FRMD4B: variants seen among roughly 807,000 people sequenced by gnomAD.
FRMD4B encodes the protein FERM domain-containing protein 4B.
FRMD4B carries 74 observed loss-of-function variants against 141.5 expected under a neutral mutation model. The ratio of observed to expected loss-of-function variants is 0.52; its 90% CI spans 0.43 to 0.63. FRMD4B has a LOEUF of 0.63. Among genes scored for constraint, FRMD4B ranks in the 30% least tolerant of loss-of-function variants. The pLI is 0.00. For synonymous variants in FRMD4B, 506 were observed against 467.9 expected (o/e 1.08, Z -1.05); for missense variants, 1,366 against 1,253.4 (o/e 1.09, Z -1.36).
At chr3:69,195,393 T>C (rs776116766) in intron 14 of FRMD4B, 29 bp from the exon 15 acceptor site, 7 of 1,576,408 alleles carry the variant, frequency 4.4e-6, no homozygotes, top group Non-Finnish European at 6.0e-6. Flanking sequence ...GCAGGGAAGG[T>C]TTATACAAGG....
chr3:69,538,251 T>C (rs1272604750), intron 1 of FRMD4B, among the ~76,000 whole-genome samples: 1 of 152,216 alleles, frequency 6.6e-6, no homozygotes, highest in Non-Finnish European at 1.5e-5. Context: ...CAAGACGCTC[T>C]TGAAGTCAGT....
chr3:69,170,099 C>T lies in FRMD4B; in HGVS notation c.*1762G>A, dbSNP rs1382593088. The T allele has an allele frequency of 1.3e-5, 2 of 152,078 alleles. No individual in the cohort carries two copies. Among genetic ancestry groups the T allele is most frequent in the Admixed American group, 6.5e-5 (1 of 15,272 alleles). The allele number at this position is 152,078 out of a possible 1,614,324, so 9.4% of individuals were successfully genotyped here. On this transcript the variant is annotated 3_prime_UTR_variant, in exon 23 of 23. Coordinates refer to ENST00000398540, the MANE Select transcript of FRMD4B (RefSeq NM_015123.3). ...AATATGCCATCAATAAAAAGATGAA[C>T]CATGTTTTTAATGTAAATATTTAAA...
At chr3:69,459,997 G>T (rs1412411726) in intron 1 of FRMD4B, among the ~76,000 whole-genome samples, 1 of 152,222 alleles carries the variant, frequency 6.6e-6, no homozygotes, top group African/African-American at 2.4e-5. Flanking sequence ...CTGGCATTGT[G>T]CTTGGTTTAT....
intron 1 of FRMD4B, among the ~76,000 whole-genome samples, chr3:69,499,077 T>A (rs1040437770): frequency 2.6e-5 from 4 of 152,068 alleles, no homozygotes; most frequent in African/African-American, 7.2e-5. Context: ...TGAGACAGAA[T>A]TGATAGGAAG....
chr3:69,445,588 CT>C, intron 1 of FRMD4B, among the ~76,000 whole-genome samples: 1 of 152,298 alleles, frequency 6.6e-6, no homozygotes, highest in Non-Finnish European at 1.5e-5. Context: ...CCTCTGAAAT[CT>C]CATTTCATGC....
In FRMD4B at chr3:69,181,415, T is replaced by G. The variant is rs182546659; in HGVS notation, c.2335A>C (p.Met779Leu). Residue 779 changes from methionine to leucine, a missense_variant, in exon 21 of 23, where the codon ATG becomes CTG. Met to Leu is a conservative substitution (Grantham distance 15). Transcript: ENST00000398540. ...CTATCCTTTTGTGCTAGGTTGGGCA[T>G]GCTTCCTGAATTTGAAGTAGAAACA... ...QNVSTSNSGSMPNLAQKDSLR... is the reference protein window; with the variant it reads ...QNVSTSNSGSLPNLAQKDSLR... The G allele has an allele frequency of 9.0e-5, 146 of 1,613,986 alleles. 1 individual carries two copies. In the East Asian group the frequency reaches 3.2e-3, roughly 35 times the overall value.
chr3:69,443,106 G>C (rs1705364581), intron 1 of FRMD4B, among the ~76,000 whole-genome samples: 1 of 152,168 alleles, frequency 6.6e-6, no homozygotes, highest in Non-Finnish European at 1.5e-5. Flanking sequence ...GTTGCCAGAG[G>C]AACCAACCAT....
intron 9 of FRMD4B, 68 bp from the exon 10 acceptor site, chr3:69,218,447 T>G: frequency 2.9e-6 from 2 of 680,012 alleles, no homozygotes; most frequent in Non-Finnish European, 5.1e-6. Context: ...GAAAAGTGAT[T>G]TAAAGAAACA....
At chr3:69,301,275 A>G (rs1701210112) in intron 4 of FRMD4B, among the ~76,000 whole-genome samples, 1 of 152,144 alleles carries the variant, frequency 6.6e-6, no homozygotes, top group Non-Finnish European at 1.5e-5. Context: ...TCAATCAGTA[A>G]TGATTTCACC....
intron 2 of FRMD4B, among the ~76,000 whole-genome samples, chr3:69,430,114 G>A (rs1177497054): frequency 2.0e-5 from 3 of 152,124 alleles, no homozygotes; most frequent in East Asian, 1.9e-4. Context: ...TAGTACAAAC[G>A]GGACTAGAAA....
chr3:69,215,284 C>CTTTTTGTTTTTTTTTTTTT (rs2093128966), intron 11 of FRMD4B, among the ~76,000 whole-genome samples: 1 of 45,208 alleles, frequency 2.2e-5, no homozygotes, highest in African/African-American at 7.2e-5. Flanking sequence ...TTGTGACCCT[C>CTTTTTGTTTTTTTTTTTTT]TTTTTTTTTT....
In FRMD4B at chr3:69,492,328, A is replaced by G. The variant is rs542556391; in HGVS notation, c.-129+49878T>C. ...CCTCTTTAAAGGGTTATGAACATCT[A>G]ATAATTCCTGGCAGCCAGTAGCTTG... On this transcript the variant is annotated intron_variant, in intron 1 of 5. Transcript: ENST00000459638. 2.7e-4 allele frequency among the ~76,000 whole-genome samples: 41 copies of G among 152,276 alleles called. 1 individual carries two copies. In the East Asian group the frequency reaches 7.5e-3, roughly 28 times the overall value.
chr3:69,392,820 A>C (rs1249780368), intron 2 of FRMD4B, among the ~76,000 whole-genome samples: 1 of 151,994 alleles, frequency 6.6e-6, no homozygotes, highest in Non-Finnish European at 1.5e-5. Flanking sequence ...CCATTCCAAA[A>C]AGGAGGCAGG....
chr3:69,358,270 A>C (rs1703381589), intron 1 of FRMD4B, among the ~76,000 whole-genome samples: 1 of 152,204 alleles, frequency 6.6e-6, no homozygotes, highest in Non-Finnish European at 1.5e-5. Context: ...ATGTAGGCCC[A>C]CAGGATTCAG....
intron 1 of FRMD4B, among the ~76,000 whole-genome samples, chr3:69,503,954 G>A (rs1175229111): frequency 6.6e-6 from 1 of 152,076 alleles, no homozygotes; most frequent in Non-Finnish European, 1.5e-5. Flanking sequence ...CAGCACATCA[G>A]TACTCAATAC....
At chr3:69,223,384 G>T (rs1467289736) in intron 8 of FRMD4B, among the ~76,000 whole-genome samples, 2 of 152,052 alleles carry the variant, frequency 1.3e-5, no homozygotes, top group Non-Finnish European at 2.9e-5. Context: ...GCATCGTACC[G>T]TGTGCCTGTA....
Position 69,311,338 on chromosome 3 carries a change from T to C in FRMD4B, c.248A>G (p.Glu83Gly). 1.1e-5 allele frequency: 17 copies of C among 1,599,350 alleles called. No homozygotes were observed. The highest frequency in any genetic ancestry group is 1.7e-4 in the Middle Eastern group (1 of 6,030). The stretch of plus-strand genomic sequence containing the variant: ...ATGTGAAGCCACTAGGTCCAGCAAC[T>C]CTCTTGCTAGAAGTTTGGGCTGTCA... ...LLVQPKLLAR[E>G]LLDLVASHFN... The change falls in exon 3 of 23, where the codon GAG (glutamate) becomes GGG (glycine). Residue 83 changes from glutamate to glycine, a missense_variant. By Grantham distance (98) the Glu-to-Gly change is moderately conservative. Coordinates refer to ENST00000398540, the MANE Select transcript of FRMD4B (RefSeq NM_015123.3).
intron 2 of FRMD4B, among the ~76,000 whole-genome samples, chr3:69,413,222 G>A (rs1029837677): frequency 2.6e-5 from 4 of 152,046 alleles, no homozygotes; most frequent in African/African-American, 9.7e-5. Flanking sequence ...AGTATTTATT[G>A]AGCATGAATG....
At chr3:69,475,977 T>C (rs1428432360) in intron 1 of FRMD4B, among the ~76,000 whole-genome samples, 1 of 151,728 alleles carries the variant, frequency 6.6e-6, no homozygotes, top group African/African-American at 2.4e-5. Flanking sequence ...CATTTTTTCA[T>C]ATGTTTTTTT....
Sources: allele counts gnomAD v4.1 joint callset (sites outside exome capture counted in the v4.1 genomes callset), GRCh38; gene constraint gnomAD v4.1.1; transcripts MANE v1.5; gene names NCBI Gene and HGNC (gene_info 2026-07-23, HGNC 2026-07-21).